LATS2: variants seen among roughly 807,000 people sequenced by gnomAD.
The protein encoded by LATS2 is large tumor suppressor kinase 2.
A neutral mutation model predicts 76.0 loss-of-function variants in LATS2; 24 were observed. That is an observed-to-expected ratio of 0.32 (90% CI 0.23 to 0.44). The LOEUF (loss-of-function observed/expected upper bound fraction) is 0.44. Among genes scored for constraint, LATS2 ranks in the 20% least tolerant of loss-of-function variants. The pLI is 1.00. For synonymous variants in LATS2, 692 were observed against 635.4 expected (o/e 1.09, Z -1.34); for missense variants, 1,286 against 1,481.2 (o/e 0.87, Z 2.16).
intron 1 of LATS2, among the ~76,000 whole-genome samples, chr13:21,059,523 G>A (rs1468381107): frequency 1.3e-5 from 2 of 152,170 alleles, no homozygotes; most frequent in Non-Finnish European, 2.9e-5. Flanking sequence ...TTGAACCCAG[G>A]AGGCGAGGTT....
intron 2 of LATS2, among the ~76,000 whole-genome samples, chr13:21,020,549 T>G (rs117892494): frequency 2.0e-5 from 3 of 152,176 alleles, no homozygotes; most frequent in African/African-American, 7.2e-5. Context: ...AAAAATCACA[T>G]TAATTCCTCT....
At chr13:20,981,669 T>G (rs763280656) in intron 5 of LATS2, 21 bp from the exon 6 acceptor site, 7 of 1,573,512 alleles carry the variant, frequency 4.4e-6, no homozygotes, top group Middle Eastern at 1.7e-4. Flanking sequence ...GAATCAGGGA[T>G]AGTGAAAGAA....
intron 2 of LATS2, among the ~76,000 whole-genome samples, chr13:21,033,355 G>T (rs891684379): frequency 6.6e-6 from 1 of 152,044 alleles, no homozygotes; most frequent in Admixed American, 6.6e-5. Flanking sequence ...CTGAAAGGAG[G>T]AGTCAGCTGA....
intron 2 of LATS2, among the ~76,000 whole-genome samples, chr13:21,012,208 A>T (rs1015234994): frequency 5.9e-5 from 9 of 151,704 alleles, no homozygotes; most frequent in South Asian, 2.1e-4. Flanking sequence ...TAAAAGATTA[A>T]AAAAAATGCA....
chr13:21,012,011 A>G (rs568916044), intron 2 of LATS2, among the ~76,000 whole-genome samples: 1 of 152,272 alleles, frequency 6.6e-6, no homozygotes, highest in African/African-American at 2.4e-5. Flanking sequence ...AACTCCACAC[A>G]GTGGCCCTGG....
rs1223709489 is a variant in LATS2 at position 21,043,506 on chromosome 13, AGT to A, written c.342+2177_342+2178del. Among the ~76,000 whole-genome samples, 7 of 152,170 alleles carry A rather than the reference AGT, an allele frequency of 4.6e-5. No individual in the cohort carries two copies. In the South Asian group the frequency reaches 8.3e-4, roughly 18 times the overall value. The stretch of plus-strand genomic sequence containing the variant: ...TACATTTTTTATCTAGGCCAAGAAA[AGT>A]GTGAGTTGGAGGGGAAAGGTGGAGG... On this transcript the variant is annotated intron_variant, in intron 2 of 7. Transcript: ENST00000382592.
chr13:21,025,886 C>A (rs779107948), intron 2 of LATS2, among the ~76,000 whole-genome samples: 1 of 152,114 alleles, frequency 6.6e-6, no homozygotes, highest in Non-Finnish European at 1.5e-5. Flanking sequence ...TTTCACCAAC[C>A]GTGACTCTCT....
At position 20,988,468 on chromosome 13, in the gene LATS2, C is replaced by A; in HGVS notation, c.1312G>T (p.Ala438Ser). 2 of 1,529,404 alleles carry A rather than the reference C, an allele frequency of 1.3e-6. No individual in the cohort carries two copies. The highest frequency in any genetic ancestry group is 8.7e-7 in the Non-Finnish European group (1 of 1,144,880). 94.7% of individuals were successfully genotyped at this position (1,529,404 alleles called of 1,614,324 possible). A position where few individuals can be genotyped will look rare whatever the true frequency, so the allele number is the denominator to read the frequency against. Reference sequence around the variant, plus strand: ...CTCTTCACCGGGTGCAAGATGTGCGCGGCCGTGACAGCCGTCACGGTGTTG... The same window carrying A: ...CTCTTCACCGGGTGCAAGATGTGCGAGGCCGTGACAGCCGTCACGGTGTTG... ...APNTVTAVTAAHILHPVKSVR... is the reference protein window; with the variant it reads ...APNTVTAVTASHILHPVKSVR... The change falls in exon 4 of 8, where the codon GCG (alanine) becomes TCG (serine). Residue 438 changes from alanine to serine, a missense_variant. This residue lies in a region of LATS2 where 710 missense variants were observed against 660.9 expected (regional missense o/e 1.07). Transcript: ENST00000382592.
chr13:21,053,335 C>T (rs1565967422), intron 1 of LATS2, among the ~76,000 whole-genome samples: 1 of 151,906 alleles, frequency 6.6e-6, no homozygotes. Context: ...GAAGGACCTT[C>T]CTGACCTCCC....
intron 1 of LATS2, among the ~76,000 whole-genome samples, chr13:21,054,389 C>T (rs1037860058): frequency 6.6e-6 from 1 of 152,094 alleles, no homozygotes; most frequent in Non-Finnish European, 1.5e-5. Context: ...GCCTAGGCAA[C>T]AGAGCAAGTC....
At chr13:21,049,153 TAGG>T (rs1226508524) in intron 1 of LATS2, among the ~76,000 whole-genome samples, 1 of 152,034 alleles carries the variant, frequency 6.6e-6, no homozygotes, top group Non-Finnish European at 1.5e-5. Flanking sequence ...CCTGGAGACA[TAGG>T]AGGTCAAAGG....
chr13:20,988,303 C>A lies in LATS2; in HGVS notation c.1477G>T (p.Ala493Ser), dbSNP rs1251308565. Reference sequence around the variant, plus strand: ...GGGAAGGCGCCTGCGCCGCCCAGCGCCAGGGCATGCTCCTCCTTGGCGTCC... The same window carrying A: ...GGGAAGGCGCCTGCGCCGCCCAGCGACAGGGCATGCTCCTCCTTGGCGTCC... ...GLDAKEEHAL[A>S]LGGAGAFPLD... Residue 493 changes from alanine to serine, a missense_variant, in exon 4 of 8, where the codon GCG becomes TCG. Around this residue, in one of 5 missense-constraint regions of LATS2, gnomAD observed 710 missense variants for 660.9 expected, o/e 1.07. Coordinates refer to ENST00000382592, the MANE Select transcript of LATS2 (RefSeq NM_014572.3). 5 of 1,566,420 alleles carry A rather than the reference C, an allele frequency of 3.2e-6. No individual in the cohort carries two copies. The highest frequency in any genetic ancestry group is 2.3e-5 in the East Asian group (1 of 43,456).
At position 21,021,450 on chromosome 13, in the gene LATS2, G is replaced by A. The variant is rs144453954; in HGVS notation, c.342+24235C>T. Among the ~76,000 whole-genome samples the A allele has an allele frequency of 1.8e-3, 247 of 135,066 alleles. 2 individuals carry two copies. The highest frequency in any genetic ancestry group is 5.6e-3 in the African/African-American group (192 of 34,144). 88.6% of individuals were successfully genotyped at this position (135,066 alleles called of 152,430 possible). On this transcript the variant is annotated intron_variant, in intron 2 of 7. Coordinates refer to ENST00000382592, the MANE Select transcript of LATS2 (RefSeq NM_014572.3). Reference sequence around the variant, plus strand: ...ATTGTGCCACTGCACTCCAGAGCCCGGGCAGCAGAGTGAGACTCTGTCTCA... The same window carrying A: ...ATTGTGCCACTGCACTCCAGAGCCCAGGCAGCAGAGTGAGACTCTGTCTCA...
At position 20,983,210 on chromosome 13, in the gene LATS2, A is replaced by G; in HGVS notation, c.2482+14T>C. On this transcript the variant is annotated intron_variant, in intron 5 of 7. Coordinates refer to ENST00000382592, the MANE Select transcript of LATS2 (RefSeq NM_014572.3). Reference sequence around the variant, plus strand: ...TACACATAGAAAGTGCATGTGGCACACTTCAGACAATACCTTTCTGGTAAT... The same window carrying G: ...TACACATAGAAAGTGCATGTGGCACGCTTCAGACAATACCTTTCTGGTAAT... 1 of 1,579,068 alleles carries G rather than the reference A, an allele frequency of 6.3e-7. No individual in the cohort carries two copies. Among genetic ancestry groups the G allele is most frequent in the Non-Finnish European group, 8.7e-7 (1 of 1,151,888 alleles).
intron 1 of LATS2, among the ~76,000 whole-genome samples, chr13:21,050,316 G>A (rs1386131072): frequency 1.3e-5 from 2 of 151,912 alleles, no homozygotes; most frequent in African/African-American, 2.4e-5. Context: ...ACACACTCTT[G>A]TAAATAGCAT....
chr13:21,012,785 A>ACCCC (rs34789164), intron 2 of LATS2, among the ~76,000 whole-genome samples: 2 of 145,494 alleles, frequency 1.4e-5, no homozygotes, highest in African/African-American at 5.0e-5. Context: ...GGTGAATCAC[A>ACCCC]CCCCCCCCCC....
At chr13:21,003,318 A>T (rs911703988) in intron 2 of LATS2, among the ~76,000 whole-genome samples, 9 of 151,940 alleles carry the variant, frequency 5.9e-5, no homozygotes, top group African/African-American at 2.2e-4. Flanking sequence ...CAGTGGCCCA[A>T]TCTCTGGTCA....
At chr13:21,040,659 T>C (rs189950600) in intron 2 of LATS2, among the ~76,000 whole-genome samples, 314 of 151,982 alleles carry the variant, frequency 2.1e-3, no homozygotes, top group African/African-American at 7.2e-3. Flanking sequence ...GAGGGGAGCA[T>C]GTGGGGAGGA....
In LATS2 at chr13:20,988,228, A is replaced by C. The variant is rs887052546; in HGVS notation, c.1552T>G (p.Tyr518Asp). Residue 518 changes from tyrosine to aspartate, a missense_variant, in exon 4 of 8, where the codon TAC becomes GAC. Coordinates refer to ENST00000382592, the MANE Select transcript of LATS2 (RefSeq NM_014572.3). ...CTGCGCAGCAGCAGGTGCTTCGGGT[A>C]GGGCGGAGGCGGGCACCTCCGGTCT... ...GPDRRCPPPP[Y>D]PKHLLLRSKS... 6.2e-7 allele frequency: 1 copy of C among 1,607,100 alleles called. No individual in the cohort carries two copies. The highest frequency in any genetic ancestry group is 1.3e-5 in the African/African-American group (1 of 74,820).
Sources: allele counts gnomAD v4.1 joint callset (sites outside exome capture counted in the v4.1 genomes callset), GRCh38; gene constraint gnomAD v4.1.1; regional missense constraint gnomAD v4.1.1; transcripts MANE v1.5; gene names NCBI Gene and HGNC (gene_info 2026-07-23, HGNC 2026-07-21).